Variants in ZPLD1 observed in about 807,000 individuals in gnomAD.
The protein encoded by ZPLD1 is zona pellucida like domain containing 1, also known as zona pellucida-like domain-containing protein 1.
A neutral mutation model predicts 47.2 loss-of-function variants in ZPLD1; 34 were observed. The observed-to-expected ratio is 0.72, with a 90% CI of 0.55 to 0.96. The LOEUF is 0.96. Among genes scored for constraint, ZPLD1 ranks in the 40% least tolerant of loss-of-function variants. The pLI is 0.00. For missense variants in ZPLD1, 512 were observed against 505.8 expected, an observed-to-expected ratio of 1.01 and a Z score of -0.12; for synonymous variants, 176 against 186.2, an observed-to-expected ratio of 0.95 and a Z score of 0.45.
At chr3:102,449,404 C>A (rs945531590) in intron 3 of ZPLD1, among the ~76,000 whole-genome samples, 3 of 152,168 alleles carry the variant, frequency 2.0e-5, no homozygotes, top group African/African-American at 7.2e-5. Flanking sequence ...GTTTCATTTT[C>A]ATAGTTTCAG....
chr3:102,404,484 C>T (rs1449964820), intron 7 of ZPLD1, among the ~76,000 whole-genome samples: 1 of 151,960 alleles, frequency 6.6e-6, no homozygotes, highest in African/African-American at 2.4e-5. Context: ...GAGGACACAA[C>T]CAGTGCCTAT....
chr3:102,386,137 T>A (rs548756044), intron 6 of ZPLD1, among the ~76,000 whole-genome samples: 1 of 152,306 alleles, frequency 6.6e-6, no homozygotes, highest in African/African-American at 2.4e-5. Context: ...ACCCAAGAAA[T>A]GCTGGAAAGA....
chr3:102,424,118 A>G (rs2107308678), intron 8 of ZPLD1, among the ~76,000 whole-genome samples: 1 of 152,298 alleles, frequency 6.6e-6, no homozygotes, highest in South Asian at 2.1e-4. Context: ...CCATCAGGAA[A>G]CAGAAAGGAA....
upstream of ZPLD1, chr3:102,434,899 A>G (rs1707063577): frequency 2.0e-6 from 1 of 511,950 alleles, no homozygotes; most frequent in African/African-American, 1.9e-5. Context: ...CATTCTGAAA[A>G]GAAACTCCAC....
Position 102,436,973 on chromosome 3 carries a change from T to C in ZPLD1, c.-9T>C, listed in dbSNP as rs914809496. 5 of 982,674 alleles carry C rather than the reference T, an allele frequency of 5.1e-6. No individual in the cohort carries two copies. The African/African-American group carries it at 8.7e-5, about 17-fold the overall frequency. The allele number at this position is 982,674 out of a possible 1,614,324, so 60.9% of individuals were successfully genotyped here. On this transcript the variant is annotated splice_region_variant and 5_prime_UTR_variant, in exon 2 of 12. It removes an upstream start codon present in the reference 5' UTR. Coordinates refer to ENST00000466937, the MANE Select transcript of ZPLD1 (RefSeq NM_001329788.2). Reference sequence around the variant, plus strand: ...GGTGGAGCATGGAGCATGGAATAAATGTGGGTGCAGTGGAGTGTATTGCTT... The same window carrying C: ...GGTGGAGCATGGAGCATGGAATAAACGTGGGTGCAGTGGAGTGTATTGCTT...
In ZPLD1 at chr3:102,469,074, C is replaced by T. The variant is rs1189669598; in HGVS notation, c.872C>T (p.Thr291Ile). 2 of 1,614,200 alleles carry T rather than the reference C, an allele frequency of 1.2e-6. No homozygotes were observed. The highest frequency in any genetic ancestry group is 1.1e-5 in the South Asian group (1 of 91,084). ...FVKHKNQKMS[T>I]VFLHCVTKLC... ...AAACACAAGAATCAGAAAATGTCCACTGTCTTCTTGCACTGCGTTACCAAG... is the reference window on the plus strand; with the variant it reads ...AAACACAAGAATCAGAAAATGTCCATTGTCTTCTTGCACTGCGTTACCAAG... The change falls in exon 9 of 12, where the codon ACT becomes ATT. Residue 291 changes from threonine to isoleucine, a missense_variant. Coordinates refer to ENST00000466937, the MANE Select transcript of ZPLD1 (RefSeq NM_001329788.2).
intron 7 of ZPLD1, among the ~76,000 whole-genome samples, chr3:102,402,916 A>T (rs1291784161): frequency 1.3e-5 from 2 of 151,874 alleles, no homozygotes; most frequent in African/African-American, 4.8e-5. Context: ...ACCTTTTCTT[A>T]TGGGAAATCT....
At chr3:102,407,438 T>C (rs1230360667) in intron 7 of ZPLD1, among the ~76,000 whole-genome samples, 10 of 109,622 alleles carry the variant, frequency 9.1e-5, no homozygotes, top group South Asian at 2.9e-4. Flanking sequence ...TATATATATA[T>C]ATATACACAC....
At chr3:102,391,341 C>T (rs1411207817) in intron 6 of ZPLD1, among the ~76,000 whole-genome samples, 1 of 152,164 alleles carries the variant, frequency 6.6e-6, no homozygotes, top group East Asian at 1.9e-4. Flanking sequence ...TGTATATCCT[C>T]CAAATTGCCA....
intron 8 of ZPLD1, among the ~76,000 whole-genome samples, chr3:102,465,640 G>T (rs1707579995): frequency 2.0e-5 from 3 of 152,038 alleles, no homozygotes; most frequent in Admixed American, 2.0e-4. Context: ...TCTGGAATAT[G>T]ATCATCAGAC....
chr3:102,439,634 C>T (rs747346623), intron 3 of ZPLD1, among the ~76,000 whole-genome samples: 1 of 152,076 alleles, frequency 6.6e-6, no homozygotes, highest in Non-Finnish European at 1.5e-5. Context: ...AGAAAGAGCA[C>T]TCATATTGAT....
At chr3:102,415,069 A>C (rs992216078) in intron 7 of ZPLD1, among the ~76,000 whole-genome samples, 12 of 151,872 alleles carry the variant, frequency 7.9e-5, no homozygotes, top group African/African-American at 2.9e-4. Context: ...TTATGTATGA[A>C]GCTTGTTTGG....
intron 3 of ZPLD1, among the ~76,000 whole-genome samples, chr3:102,440,288 G>A (rs141487143): frequency 6.6e-6 from 1 of 152,142 alleles, no homozygotes; most frequent in African/African-American, 2.4e-5. Flanking sequence ...TAGACTAGAG[G>A]CAGAGAGAAA....
chr3:102,407,442 T>TATATATATATATATATAC (rs1553708474), intron 7 of ZPLD1, among the ~76,000 whole-genome samples: 3 of 95,508 alleles, frequency 3.1e-5, no homozygotes, highest in Non-Finnish European at 6.6e-5. Flanking sequence ...TATATATATA[T>TATATATATATATATATAC]ACACACATAT....
chr3:102,450,056 C>T (rs1407916332), intron 3 of ZPLD1, among the ~76,000 whole-genome samples: 3 of 152,114 alleles, frequency 2.0e-5, no homozygotes, highest in Admixed American at 6.5e-5. Context: ...AATACGACAG[C>T]ATAAAACAGA....
chr3:102,458,708 A>G (rs1446785918), intron 6 of ZPLD1, among the ~76,000 whole-genome samples: 1 of 152,224 alleles, frequency 6.6e-6, no homozygotes, highest in Admixed American at 6.5e-5. Flanking sequence ...ATAAGTTTGT[A>G]GTCTGACACC....
chr3:102,425,719 T>A, intron 8 of ZPLD1, among the ~76,000 whole-genome samples: 1 of 152,104 alleles, frequency 6.6e-6, no homozygotes, highest in East Asian at 1.9e-4. Context: ...TCTTAGATTA[T>A]GTTCATCTCA....
intron 8 of ZPLD1, among the ~76,000 whole-genome samples, chr3:102,424,425 C>G (rs975550299): frequency 3.3e-5 from 5 of 152,164 alleles, no homozygotes; most frequent in Admixed American, 1.3e-4. Context: ...CCTCCCAAGA[C>G]ACACACAAAT....
At position 102,478,125 on chromosome 3, in the gene ZPLD1, T is replaced by A. The variant is rs1707785840; in HGVS notation, c.*507T>A. On this transcript the variant is annotated 3_prime_UTR_variant, in exon 12 of 12. Transcript: ENST00000466937. ...ATACCTGAGATTTAACTACTCATTC[T>A]ATGACCTCCTGTGTTTTTGGCCGAT... is the stretch of plus-strand genomic sequence containing the variant. 5.3e-5 allele frequency: 8 copies of A among 152,306 alleles called. No homozygotes were observed. Among genetic ancestry groups the A allele is most frequent in the Admixed American group, 5.2e-4 (8 of 15,270 alleles). 9.4% of individuals were successfully genotyped at this position (152,306 alleles called of 1,614,324 possible). A position where few individuals can be genotyped will look rare whatever the true frequency, so the allele number is the denominator to read the frequency against.
Sources: gnomAD v4.1 joint callset for allele counts (sites outside exome capture counted in the v4.1 genomes callset) on GRCh38, gnomAD v4.1.1 for gene constraint, MANE v1.5 for transcripts, NCBI Gene and HGNC (gene_info 2026-07-23, HGNC 2026-07-21) for gene names.